The following PAX5 variants were observed in gnomAD, a reference collection of about 807,000 sequenced individuals.
PAX5 encodes paired box protein Pax-5.
PAX5 carries 9 observed loss-of-function variants against 43.7 expected under a neutral mutation model. The observed-to-expected ratio is 0.21, with a 90% confidence interval of 0.12 to 0.36. The LOEUF (loss-of-function observed/expected upper bound fraction) is 0.36, where lower values mean the gene tolerates loss of function less well. PAX5 is among the 10% of genes least tolerant of loss of function. The pLI is 1.00. For missense variants in PAX5, 383 were observed against 532.7 expected (o/e 0.72, Z 2.77); for synonymous variants, 228 against 214.3 (o/e 1.06, Z -0.56).
At chr9:36,851,330 A>AG (rs1563890590) in intron 8 of PAX5, among the ~76,000 whole-genome samples, 2 of 152,190 alleles carry the variant, frequency 1.3e-5, no homozygotes, top group Non-Finnish European at 2.9e-5. Flanking sequence ...ACATTGAAGA[A>AG]GTGGGGTGCC....
At chr9:36,941,460 T>C (rs1485133876) in intron 6 of PAX5, among the ~76,000 whole-genome samples, 2 of 152,208 alleles carry the variant, frequency 1.3e-5, no homozygotes, top group Non-Finnish European at 2.9e-5. Context: ...TATGCACCCA[T>C]GCATCACCCA....
chr9:36,992,316 A>G (rs1436036745), intron 5 of PAX5, among the ~76,000 whole-genome samples: 1 of 152,190 alleles, frequency 6.6e-6, no homozygotes, highest in Non-Finnish European at 1.5e-5. Context: ...TTCCCAATCA[A>G]TAGCATTGCT....
At chr9:36,931,449 A>T (rs1831115055) in intron 6 of PAX5, among the ~76,000 whole-genome samples, 1 of 152,246 alleles carries the variant, frequency 6.6e-6, no homozygotes, top group East Asian at 1.9e-4. Context: ...CAAGAACAAG[A>T]GATGGTGAAC....
At chr9:36,906,087 G>C (rs1373204699) in intron 7 of PAX5, among the ~76,000 whole-genome samples, 1 of 152,190 alleles carries the variant, frequency 6.6e-6, no homozygotes, top group Non-Finnish European at 1.5e-5. Flanking sequence ...GGGAACTACA[G>C]GACACACGGT....
intron 8 of PAX5, among the ~76,000 whole-genome samples, chr9:36,848,629 C>T (rs1822835650): frequency 6.6e-6 from 1 of 152,144 alleles, no homozygotes; most frequent in African/African-American, 2.4e-5. Context: ...AGCGCCCTCC[C>T]CTCGGGACTC....
At chr9:37,003,070 TAA>T (rs1838056373) in intron 4 of PAX5, among the ~76,000 whole-genome samples, 1 of 149,008 alleles carries the variant, frequency 6.7e-6, no homozygotes, top group African/African-American at 2.5e-5. Flanking sequence ...GGCTTTCGCT[TAA>T]ATTCCAGCCT....
chr9:37,024,737 G>A lies in PAX5; in HGVS notation c.47-3936C>T, dbSNP rs149442245. ...CGGACAAGGAGGCACAGACATTAGC[G>A]GTTGGCTAACCTGCACCTGAAAGAA... is the stretch of plus-strand genomic sequence containing the variant. On this transcript the variant is annotated intron_variant, in intron 1 of 9. Coordinates refer to ENST00000358127, the MANE Select transcript of PAX5 (RefSeq NM_016734.3). Among the ~76,000 whole-genome samples, 291 of 152,284 alleles carry A rather than the reference G, an allele frequency of 1.9e-3. 3 individuals carry two copies. The highest frequency in any genetic ancestry group is 3.9e-3 in the African/African-American group (160 of 41,544).
intron 7 of PAX5, among the ~76,000 whole-genome samples, chr9:36,894,740 C>T (rs975974770): frequency 2.6e-5 from 4 of 152,248 alleles, no homozygotes; most frequent in Admixed American, 2.6e-4. Flanking sequence ...CCATTGTTAA[C>T]CGTGCCTCCT....
At chr9:36,894,183 G>A (rs112409293) in intron 7 of PAX5, among the ~76,000 whole-genome samples, 4 of 152,218 alleles carry the variant, frequency 2.6e-5, no homozygotes, top group African/African-American at 7.2e-5. Flanking sequence ...ACAGAGTCCC[G>A]GGGCTGGTCC....
chr9:36,980,537 A>G (rs1835822656), intron 5 of PAX5, among the ~76,000 whole-genome samples: 1 of 152,188 alleles, frequency 6.6e-6, no homozygotes, highest in Non-Finnish European at 1.5e-5. Context: ...CACATCCCAG[A>G]TTCCCCAGTC....
Position 37,014,982 on chromosome 9 carries a change from G to T in PAX5, c.410+15C>A, listed in dbSNP as rs1330704197. 4 of 1,610,138 alleles carry T rather than the reference G, an allele frequency of 2.5e-6. No homozygotes were observed. Among genetic ancestry groups the T allele is most frequent in the African/African-American group, 2.7e-5 (2 of 74,958 alleles). ...CCCTCCAAATCCCCAACCCCCACAGGCACGAGCCCCTCACCTGTTGATGGA... is the reference window on the plus strand; with the variant it reads ...CCCTCCAAATCCCCAACCCCCACAGTCACGAGCCCCTCACCTGTTGATGGA... On this transcript the variant is annotated intron_variant, in intron 3 of 9. Coordinates refer to ENST00000358127, the MANE Select transcript of PAX5 (RefSeq NM_016734.3).
chr9:36,866,405 C>T (rs62533253), intron 8 of PAX5, among the ~76,000 whole-genome samples: 1,691 of 152,294 alleles, frequency 0.011, 18 homozygotes, highest in South Asian at 0.053. Context: ...AGACCAACCT[C>T]GGCCAGACCT....
At chr9:37,033,627 C>G (rs1159459628) in intron 1 of PAX5, among the ~76,000 whole-genome samples, 5 of 149,426 alleles carry the variant, frequency 3.3e-5, no homozygotes, top group East Asian at 3.9e-4. Flanking sequence ...CACACACACA[C>G]AGGCAAACAA....
At chr9:36,970,324 G>C (rs934515071) in intron 5 of PAX5, among the ~76,000 whole-genome samples, 17 of 152,074 alleles carry the variant, frequency 1.1e-4, no homozygotes, top group African/African-American at 4.1e-4. Flanking sequence ...GGAGATGCTC[G>C]TACAAAGGCC....
At chr9:36,906,408 T>G (rs1050812863) in intron 7 of PAX5, among the ~76,000 whole-genome samples, 4 of 152,084 alleles carry the variant, frequency 2.6e-5, no homozygotes, top group Non-Finnish European at 5.9e-5. Context: ...CTGCTGGCTT[T>G]GAAGATGGAG....
intron 7 of PAX5, among the ~76,000 whole-genome samples, chr9:36,883,901 C>T (rs1319091806): frequency 6.6e-6 from 1 of 152,000 alleles, no homozygotes; most frequent in Non-Finnish European, 1.5e-5. Flanking sequence ...ACAAAAGGTA[C>T]AATTTTCTAG....
chr9:36,856,030 C>T (rs1300622235), intron 8 of PAX5, among the ~76,000 whole-genome samples: 1 of 152,194 alleles, frequency 6.6e-6, no homozygotes, highest in Non-Finnish European at 1.5e-5. Context: ...TGTCTGTGAC[C>T]CTGTCTTGTT....
intron 8 of PAX5, among the ~76,000 whole-genome samples, chr9:36,856,940 C>T (rs564731836): frequency 2.6e-5 from 4 of 152,290 alleles, no homozygotes; most frequent in Middle Eastern, 3.4e-3. Context: ...TCTCTTTGAA[C>T]GTCTAGAATG....
At chr9:36,990,344 C>T (rs563957252) in intron 5 of PAX5, among the ~76,000 whole-genome samples, 2 of 152,264 alleles carry the variant, frequency 1.3e-5, no homozygotes, top group African/African-American at 2.4e-5. Context: ...AGGTTGCAAA[C>T]AGGACAGAGC....
Sources: allele counts gnomAD v4.1 joint callset (sites outside exome capture counted in the v4.1 genomes callset), GRCh38; gene constraint gnomAD v4.1.1; transcripts MANE v1.5; gene names NCBI Gene and HGNC (gene_info 2026-07-23, HGNC 2026-07-21).